The following CCDC171 variants were observed in gnomAD, a reference collection of about 807,000 sequenced individuals.
CCDC171 encodes the protein coiled-coil domain-containing protein 171.
Under a neutral mutation model 168.2 loss-of-function variants are expected in CCDC171, and 177 were observed. That is an observed-to-expected ratio of 1.05 (90% CI 0.93 to 1.19). CCDC171 has a LOEUF of 1.19. Ranked by LOEUF, CCDC171 falls within the 50% of genes most tolerant of loss-of-function variation. The pLI is 0.00. For missense variants in CCDC171, 1,991 were observed against 1,539.0 expected (o/e 1.29, Z -4.91); for synonymous variants, 687 against 540.8 (o/e 1.27, Z -3.75).
chr9:15,791,286 G>T (rs2058247100), intron 21 of CCDC171, among the ~76,000 whole-genome samples: 1 of 152,056 alleles, frequency 6.6e-6, no homozygotes, highest in Non-Finnish European at 1.5e-5. Context: ...GCAGTGGTTT[G>T]TAGTTCTCCT....
chr9:15,805,870 T>C (rs976134322), intron 21 of CCDC171, among the ~76,000 whole-genome samples: 28 of 151,828 alleles, frequency 1.8e-4, no homozygotes, highest in African/African-American at 6.1e-4. Flanking sequence ...AGTATTATTG[T>C]GTATTATTGT....
At chr9:16,017,066 T>C (rs1833043374) in intron 3 of CCDC171, among the ~76,000 whole-genome samples, 2 of 152,160 alleles carry the variant, frequency 1.3e-5, no homozygotes, top group Non-Finnish European at 2.9e-5. Flanking sequence ...ACTTGAGCAG[T>C]AAAAACTTAA....
chr9:15,837,120 A>G (rs573334877), intron 21 of CCDC171, among the ~76,000 whole-genome samples: 1 of 152,304 alleles, frequency 6.6e-6, no homozygotes, highest in African/African-American at 2.4e-5. Flanking sequence ...TTTTTTAAGT[A>G]TAAAAGAAAA....
intron 23 of CCDC171, among the ~76,000 whole-genome samples, chr9:15,857,082 G>A (rs1172490295): frequency 6.6e-6 from 1 of 151,948 alleles, no homozygotes; most frequent in Non-Finnish European, 1.5e-5. Context: ...CTATTAAGTT[G>A]TATAGAGTTT....
rs55976539 is a variant in CCDC171, at chr9:15,642,343, GTATATATATATATATATATATATATA to G, written c.823-14768_823-14743del. On this transcript the variant is annotated intron_variant, in intron 7 of 25. Transcript: ENST00000380701. ...TATATATATATACACGTGTGTGTGT[GTATATATATATATATATATATATATA>G]TATATATATATATATGCATTTTAAC... 2.8e-4 allele frequency among the ~76,000 whole-genome samples: 30 copies of G among 107,564 alleles called. 1 individual carries two copies. Among genetic ancestry groups the G allele is most frequent in the African/African-American group, 8.6e-4 (17 of 19,874 alleles). 70.6% of individuals were successfully genotyped at this position (107,564 alleles called of 152,430 possible).
intron 6 of CCDC171, among the ~76,000 whole-genome samples, chr9:16,028,194 C>T (rs1339286057): frequency 6.6e-6 from 1 of 152,156 alleles, no homozygotes; most frequent in Non-Finnish European, 1.5e-5. Context: ...AATGCACGTC[C>T]TGATACCAGA....
Position 15,641,293 on chromosome 9 carries a change from T to C in CCDC171, c.823-15834T>C, listed in dbSNP as rs1199879479. 2.0e-5 allele frequency among the ~76,000 whole-genome samples: 3 copies of C among 152,324 alleles called. No homozygotes were observed. In the East Asian group the frequency reaches 5.8e-4, roughly 29 times the overall value. On this transcript the variant is annotated intron_variant, in intron 7 of 25. Transcript: ENST00000380701. ...ACTAGTATGTACTCATGATAATTCA[T>C]CTCATTTTTCTTGATGTCTATTTTG...
intron 18 of CCDC171, among the ~76,000 whole-genome samples, chr9:15,766,847 G>T (rs1381258213): frequency 6.6e-6 from 1 of 152,010 alleles, no homozygotes. Flanking sequence ...TTTTTGTAGA[G>T]ATGGGAGTCT....
At chr9:15,601,535 C>T (rs1255409145) in intron 6 of CCDC171, among the ~76,000 whole-genome samples, 1 of 152,182 alleles carries the variant, frequency 6.6e-6, no homozygotes, top group Admixed American at 6.5e-5. Flanking sequence ...TTCATTCATT[C>T]TCTAAGTACT....
chr9:16,105,310 T>A, the CCDC171 span, among the ~76,000 whole-genome samples: 1 of 152,138 alleles, frequency 6.6e-6, no homozygotes, highest in Non-Finnish European at 1.5e-5. Context: ...AAGTTGATGG[T>A]ACCTAGGACG....
At chr9:15,684,328 A>G (rs2133532820) in intron 10 of CCDC171, among the ~76,000 whole-genome samples, 1 of 152,176 alleles carries the variant, frequency 6.6e-6, no homozygotes, top group African/African-American at 2.4e-5. Context: ...TATGTTTAAA[A>G]TGCTTATTTC....
chr9:15,925,680 A>G (rs542755092), intron 25 of CCDC171, among the ~76,000 whole-genome samples: 2 of 151,770 alleles, frequency 1.3e-5, no homozygotes, highest in East Asian at 1.9e-4. Context: ...TCATTTACTG[A>G]TAAAGAAAAC....
chr9:15,809,541 C>T (rs1348119166), intron 21 of CCDC171, among the ~76,000 whole-genome samples: 1 of 152,050 alleles, frequency 6.6e-6, no homozygotes, highest in African/African-American at 2.4e-5. Context: ...GGTTCGTGGT[C>T]TCGCTGACTT....
intron 25 of CCDC171, among the ~76,000 whole-genome samples, chr9:15,920,954 C>G (rs1324531545): frequency 7.4e-6 from 1 of 135,248 alleles, no homozygotes; most frequent in East Asian, 2.7e-4. Flanking sequence ...TTTGGGCTCA[C>G]TTAACACTAA....
intron 25 of CCDC171, among the ~76,000 whole-genome samples, chr9:15,923,585 A>G (rs1210633783): frequency 6.6e-6 from 1 of 151,356 alleles, no homozygotes; most frequent in Non-Finnish European, 1.5e-5. Context: ...TCTCTTGTAC[A>G]ACATGGTGAC....
At chr9:16,010,056 C>T (rs920008040) in intron 3 of CCDC171, among the ~76,000 whole-genome samples, 3 of 152,106 alleles carry the variant, frequency 2.0e-5, no homozygotes, top group Non-Finnish European at 4.4e-5. Flanking sequence ...ATCCTTACAT[C>T]CCAAGTGCCT....
Position 15,889,454 on chromosome 9 carries a change from A to C in CCDC171, c.3600+14791A>C, listed in dbSNP as rs1011489522. Among the ~76,000 whole-genome samples, 108 of 152,148 alleles carry C rather than the reference A, an allele frequency of 7.1e-4. 1 individual carries two copies. The highest frequency in any genetic ancestry group is 2.4e-3 in the African/African-American group (99 of 41,446). On this transcript the variant is annotated intron_variant, in intron 24 of 25. Transcript: ENST00000380701. Reference sequence around the variant, plus strand: ...GTCTGTGGGATGGTATATTTGAGTGAATTTTTGCTATCTACTCTCTCTTGC... The same window carrying C: ...GTCTGTGGGATGGTATATTTGAGTGCATTTTTGCTATCTACTCTCTCTTGC...
chr9:15,878,539 A>G (rs895552030), intron 24 of CCDC171, among the ~76,000 whole-genome samples: 1 of 152,214 alleles, frequency 6.6e-6, no homozygotes, highest in Non-Finnish European at 1.5e-5. Flanking sequence ...GGGAGTGTAA[A>G]TTAGTTCAGC....
At chr9:15,608,777 C>T (rs1230946644) in intron 6 of CCDC171, among the ~76,000 whole-genome samples, 1 of 147,954 alleles carries the variant, frequency 6.8e-6, no homozygotes, top group African/African-American at 2.5e-5. Context: ...CAGAGACACT[C>T]TCTCTATGAA....
Sources: allele counts gnomAD v4.1 joint callset (sites outside exome capture counted in the v4.1 genomes callset), GRCh38; gene constraint gnomAD v4.1.1; transcripts MANE v1.5; gene names NCBI Gene and HGNC (gene_info 2026-07-23, HGNC 2026-07-21).